Variants in SPIDR observed in about 807,000 individuals in gnomAD.
The protein encoded by SPIDR is scaffold protein involved in DNA repair, also known as DNA repair-scaffolding protein.
In SPIDR, 93 loss-of-function variants were observed where a neutral mutation model predicts 104.6. That is an observed-to-expected ratio of 0.89 (90% CI 0.75 to 1.06). SPIDR has a LOEUF of 1.06. Among genes scored for constraint, SPIDR ranks in the 50% least tolerant of loss-of-function variants. The pLI is 0.00. For missense variants in SPIDR, 1,154 were observed against 1,111.2 expected, an observed-to-expected ratio of 1.04 and a Z score of -0.55; for synonymous variants, 431 against 416.9, an observed-to-expected ratio of 1.03 and a Z score of -0.41.
chr8:47,663,139 C>T (rs143818054), intron 10 of SPIDR, among the ~76,000 whole-genome samples: 32 of 152,370 alleles, frequency 2.1e-4, no homozygotes, highest in African/African-American at 7.7e-4. Flanking sequence ...GCTATGCTCT[C>T]TATTTTCAGT....
chr8:47,709,413 T>A (rs2081532931), intron 14 of SPIDR, among the ~76,000 whole-genome samples: 1 of 152,232 alleles, frequency 6.6e-6, no homozygotes, highest in Non-Finnish European at 1.5e-5. Context: ...GTGCTGGGAT[T>A]ACAGGCGTAA....
chr8:47,482,589 A>G (rs7014936), intron 8 of SPIDR, among the ~76,000 whole-genome samples: 4,400 of 152,198 alleles, frequency 0.029, 223 homozygotes, highest in African/African-American at 0.099. Flanking sequence ...TCATCCTACT[A>G]CCTAGTGAAG....
intron 8 of SPIDR, among the ~76,000 whole-genome samples, chr8:47,547,562 A>G (rs947419190): frequency 1.3e-5 from 2 of 151,810 alleles, no homozygotes; most frequent in African/African-American, 4.9e-5. Flanking sequence ...CCTCCTGAGT[A>G]GCTGGGATTA....
intron 7 of SPIDR, among the ~76,000 whole-genome samples, chr8:47,416,142 G>T (rs1350472104): frequency 1.3e-5 from 2 of 152,172 alleles, no homozygotes; most frequent in Admixed American, 1.3e-4. Flanking sequence ...TACGCAGGAG[G>T]CTGAGGCAGA....
intron 8 of SPIDR, 63 bp downstream of exon 8, chr8:47,440,605 T>G (rs1420159917): frequency 6.7e-7 from 1 of 1,492,240 alleles, no homozygotes; most frequent in Non-Finnish European, 9.1e-7. Context: ...AGAAAAGACA[T>G]TTTTATCAGT....
chr8:47,287,728 C>T (rs908810581), intron 3 of SPIDR, among the ~76,000 whole-genome samples: 4 of 152,122 alleles, frequency 2.6e-5, no homozygotes, highest in Admixed American at 2.6e-4. Flanking sequence ...TTCCCTTGTT[C>T]CCTGAAAATC....
At chr8:47,326,300 C>G (rs782391288) in intron 5 of SPIDR, among the ~76,000 whole-genome samples, 1 of 152,182 alleles carries the variant, frequency 6.6e-6, no homozygotes, top group Non-Finnish European at 1.5e-5. Context: ...CAGGCATGAG[C>G]CACCACACCT....
intron 5 of SPIDR, among the ~76,000 whole-genome samples, chr8:47,306,343 G>A (rs1435977785): frequency 4.6e-5 from 7 of 152,068 alleles, no homozygotes; most frequent in African/African-American, 1.7e-4. Flanking sequence ...GCTTCACTAT[G>A]TTGGCCAGGC....
Position 47,511,483 on chromosome 8 carries a change from T to C in SPIDR, c.1097+70941T>C. 5.1e-6 allele frequency: 4 copies of C among 777,834 alleles called. No homozygotes were observed. The South Asian group carries it at 5.4e-5, about 11-fold the overall frequency. 48.2% of individuals were successfully genotyped at this position (777,834 alleles called of 1,614,324 possible). On this transcript the variant is annotated intron_variant, in intron 8 of 19. Coordinates refer to ENST00000297423, the MANE Select transcript of SPIDR (RefSeq NM_001080394.4). The stretch of plus-strand genomic sequence containing the variant: ...TCCACTGTGAGCTAGCCTCCACAGC[T>C]CTGCTGGCACCTCCCTTCTGTGGAT...
intron 11 of SPIDR, among the ~76,000 whole-genome samples, chr8:47,677,466 A>G (rs1014236865): frequency 6.6e-6 from 1 of 152,238 alleles, no homozygotes; most frequent in African/African-American, 2.4e-5. Flanking sequence ...TTATTTCCCA[A>G]CTTGTTAAAA....
In SPIDR at chr8:47,538,930, G is replaced by A. The variant is rs13273124; in HGVS notation, c.1098-56881G>A. 3.0e-4 allele frequency among the ~76,000 whole-genome samples: 42 copies of A among 142,314 alleles called. No homozygotes were observed. In the South Asian group the frequency reaches 7.9e-3, roughly 27 times the overall value. 93.4% of individuals were successfully genotyped at this position (142,314 alleles called of 152,430 possible). ...GGCTGGAGTTCAGTGGCACGATCTC[G>A]GCTCACTGCAACCTCCGCTTCCCAG... is the stretch of plus-strand genomic sequence containing the variant. On this transcript the variant is annotated intron_variant, in intron 8 of 19. Transcript: ENST00000297423.
intron 8 of SPIDR, among the ~76,000 whole-genome samples, chr8:47,457,728 A>G (rs1554710686): frequency 6.6e-6 from 1 of 152,150 alleles, no homozygotes; most frequent in Non-Finnish European, 1.5e-5. Context: ...TTCAGGTCTT[A>G]GATTGAAGTC....
intron 8 of SPIDR, among the ~76,000 whole-genome samples, chr8:47,589,903 C>T (rs913474934): frequency 6.6e-6 from 1 of 152,042 alleles, no homozygotes; most frequent in African/African-American, 2.4e-5. Flanking sequence ...TACGGTGACT[C>T]ACCCCTGTAA....
chr8:47,515,834 G>A (rs4873151), intron 8 of SPIDR, among the ~76,000 whole-genome samples: 7,794 of 152,080 alleles, frequency 0.051, 655 homozygotes, highest in African/African-American at 0.18. Flanking sequence ...TTTTTGAGAC[G>A]GAGTCTCGCT....
At chr8:47,379,796 A>G (rs1273254627) in intron 5 of SPIDR, among the ~76,000 whole-genome samples, 2 of 152,092 alleles carry the variant, frequency 1.3e-5, no homozygotes, top group African/African-American at 4.8e-5. Flanking sequence ...TGTCCCCTTG[A>G]TCCCTGTTGC....
intron 10 of SPIDR, among the ~76,000 whole-genome samples, chr8:47,652,279 T>C (rs2071797363): frequency 6.6e-6 from 1 of 152,142 alleles, no homozygotes; most frequent in African/African-American, 2.4e-5. Context: ...CAGCAGAGAC[T>C]GCACTGAGCA....
chr8:47,583,883 A>T (rs1002948054), intron 8 of SPIDR, among the ~76,000 whole-genome samples: 1 of 152,138 alleles, frequency 6.6e-6, no homozygotes, highest in African/African-American at 2.4e-5. Flanking sequence ...CCGCCCTTGG[A>T]GCATCACATC....
At chr8:47,373,819 T>C (rs369295387) in intron 5 of SPIDR, among the ~76,000 whole-genome samples, 13 of 152,212 alleles carry the variant, frequency 8.5e-5, no homozygotes, top group East Asian at 7.7e-4. Flanking sequence ...ATAAATCAAA[T>C]GTGAATGGTA....
chr8:47,420,698 T>C (rs2065275579), intron 7 of SPIDR, among the ~76,000 whole-genome samples: 1 of 152,244 alleles, frequency 6.6e-6, no homozygotes, highest in Admixed American at 6.5e-5. Context: ...TGATGCAGTT[T>C]CTTCTTAGCC....
Sources: allele counts gnomAD v4.1 joint callset (sites outside exome capture counted in the v4.1 genomes callset), GRCh38; gene constraint gnomAD v4.1.1; transcripts MANE v1.5; gene names NCBI Gene and HGNC (gene_info 2026-07-23, HGNC 2026-07-21).